The following FHL1 variants were observed in gnomAD, a reference collection of about 807,000 sequenced individuals.
FHL1 encodes the protein four and a half LIM domains 1.
In FHL1, 1 loss-of-function variant was observed where a neutral mutation model predicts 20.3. The observed-to-expected ratio is 0.05, with a 90% confidence interval of 0.02 to 0.23. The LOEUF (loss-of-function observed/expected upper bound fraction) is 0.23. FHL1 is among the 10% of genes least tolerant of loss of function. The pLI is 1.00. For synonymous variants in FHL1, 82 were observed against 88.9 expected, an observed-to-expected ratio of 0.92 and a Z score of 0.44; for missense variants, 177 against 234.0, an observed-to-expected ratio of 0.76 and a Z score of 1.59.
chrX:136,200,443 A>C (rs985470420), intron 1 of FHL1, among the ~76,000 whole-genome samples: 1 of 111,852 alleles, frequency 8.9e-6, no homozygotes, highest in African/African-American at 3.3e-5. Context: ...AGGCCCAAGA[A>C]AGAAGTCCTT....
chrX:136,196,685 A>G (rs769176029), upstream of FHL1: 20 of 539,355 alleles, frequency 3.7e-5, no homozygotes, highest in Admixed American at 7.2e-4. Flanking sequence ...TAACAGCACA[A>G]AAATGTATTA....
exon 2 of FHL1, chrX:136,169,962 G>A (rs1191396602): frequency 3.0e-6 from 1 of 330,688 alleles, no homozygotes; most frequent in South Asian, 2.6e-5. Context: ...CATCCTATCT[G>A]CCACACATCC....
At position 136,210,793 on chromosome X, in the gene FHL1, C is replaced by T. The variant is rs1355439450; in HGVS notation, c.*768C>T. On this transcript the variant is annotated 3_prime_UTR_variant, in exon 6 of 6. Transcript: ENST00000370683. Reference sequence around the variant, plus strand: ...TGGAAGCTTAACAAAACTAACCCTGCTGTCCTTTTTATTGTTTTTAATTAA... The same window carrying T: ...TGGAAGCTTAACAAAACTAACCCTGTTGTCCTTTTTATTGTTTTTAATTAA... The T allele has an allele frequency of 2.6e-6, 1 of 385,202 alleles. No individual in the cohort carries two copies. The highest frequency in any genetic ancestry group is 4.9e-6 in the Non-Finnish European group (1 of 204,881). The allele number at this position is 385,202 out of a possible 1,213,427, so 31.7% of individuals were successfully genotyped here. A position where few individuals can be genotyped will look rare whatever the true frequency, so the allele number is the denominator to read the frequency against.
chrX:136,184,651 A>T (rs5975693), intron 2 of FHL1, among the ~76,000 whole-genome samples: 48,957 of 110,375 alleles, frequency 0.44, 7,812 homozygotes, highest in East Asian at 0.46. Flanking sequence ...CTTTTCACAA[A>T]GACCTGCCAC....
chrX:136,189,279 C>T (rs2073380084), intron 2 of FHL1, among the ~76,000 whole-genome samples: 1 of 111,237 alleles, frequency 9.0e-6, no homozygotes, highest in Admixed American at 9.6e-5. Context: ...ATTTGTTCTC[C>T]CCAGGTCTCC....
chrX:136,201,029 T>G (rs2073694038), intron 1 of FHL1, among the ~76,000 whole-genome samples: 2 of 111,087 alleles, frequency 1.8e-5, no homozygotes, highest in Admixed American at 1.9e-4. Flanking sequence ...CCAGGCTTGG[T>G]GGTGCACGCA....
At chrX:136,155,378 A>G (rs2072387120) in intron 1 of FHL1, among the ~76,000 whole-genome samples, 1 of 112,279 alleles carries the variant, frequency 8.9e-6, no homozygotes, top group Admixed American at 9.4e-5. Flanking sequence ...AATGTCATTG[A>G]CAGAATAGGA....
intron 1 of FHL1, among the ~76,000 whole-genome samples, chrX:136,155,617 C>G (rs1432628821): frequency 1.8e-5 from 2 of 111,415 alleles, no homozygotes; most frequent in Admixed American, 9.5e-5. Flanking sequence ...TTATTATTGC[C>G]TGCTAATGGA....
chrX:136,182,447 T>C (rs1275873139), intron 2 of FHL1, among the ~76,000 whole-genome samples: 2 of 112,406 alleles, frequency 1.8e-5, no homozygotes, highest in Non-Finnish European at 3.8e-5. Flanking sequence ...ACAGAGAGAA[T>C]GGTATGGAGA....
At chrX:136,194,196 G>C (rs1435613171), upstream of FHL1, among the ~76,000 whole-genome samples, 1 of 111,941 alleles carries the variant, frequency 8.9e-6, no homozygotes, top group Non-Finnish European at 1.9e-5. Flanking sequence ...TGTAATACTT[G>C]TAAGGCTCTG....
At chrX:136,179,099 A>G (rs1603255795) in intron 2 of FHL1, among the ~76,000 whole-genome samples, 1 of 112,004 alleles carries the variant, frequency 8.9e-6, no homozygotes, top group African/African-American at 3.2e-5. Context: ...CTACAAATTC[A>G]TAATTTCCAT....
chrX:136,202,503 T>A (rs1485212067), intron 1 of FHL1, among the ~76,000 whole-genome samples: 1 of 111,808 alleles, frequency 8.9e-6, no homozygotes, highest in Non-Finnish European at 1.9e-5. Flanking sequence ...CTCACGCCTG[T>A]AAAATGCACT....
Position 136,208,650 on chromosome X carries a change from A to C in FHL1, c.736+9A>C. 8.3e-7 allele frequency: 1 copy of C among 1,204,650 alleles called. No homozygotes were observed. On this transcript the variant is annotated intron_variant, in intron 5 of 5. Coordinates refer to ENST00000370683, the MANE Select transcript of FHL1 (RefSeq NM_001159699.2). ...CAAGAACCCCATCACTGGTAGGCTA[A>C]AGAGTCCTTGCTAAGTCTGCCAGGC...
chrX:136,166,645 T>C (rs1043427098), upstream of FHL1, among the ~76,000 whole-genome samples: 1 of 111,851 alleles, frequency 8.9e-6, no homozygotes, highest in African/African-American at 3.2e-5. Context: ...TGAATTGTAC[T>C]CATCTCTAGG....
Position 136,210,432 on chromosome X carries a change from T to G in FHL1, c.*407T>G. Reference sequence around the variant, plus strand: ...CGTGTAGACACACGACATGCAAGAGTTGCAGCGGCTGCTCCAACTCACTGC... The same window carrying G: ...CGTGTAGACACACGACATGCAAGAGGTGCAGCGGCTGCTCCAACTCACTGC... On this transcript the variant is annotated 3_prime_UTR_variant, in exon 6 of 6. Transcript: ENST00000370683. The G allele has an allele frequency of 2.5e-6, 1 of 392,199 alleles. No homozygotes were observed. The highest frequency in any genetic ancestry group is 4.8e-6 in the Non-Finnish European group (1 of 209,403). 32.3% of individuals were successfully genotyped at this position (392,199 alleles called of 1,213,427 possible). A position where few individuals can be genotyped will look rare whatever the true frequency, so the allele number is the denominator to read the frequency against.
chrX:136,209,533 G>A, intron 5 of FHL1: 1 of 962,437 alleles, frequency 1.0e-6, no homozygotes, highest in Admixed American at 2.5e-5. Flanking sequence ...AACTGGTTAT[G>A]CTGGGAGGTC....
upstream of FHL1, chrX:136,196,937 AT>A (rs1428492204): frequency 1.9e-6 from 2 of 1,080,546 alleles, no homozygotes; most frequent in Non-Finnish European, 2.5e-6. Context: ...ATGGTTAAGA[AT>A]TTTCTAGTGG....
At chrX:136,192,443 C>T (rs925178094), upstream of FHL1, among the ~76,000 whole-genome samples, 7 of 112,089 alleles carry the variant, frequency 6.2e-5, no homozygotes, top group Non-Finnish European at 7.5e-5. Flanking sequence ...GCTCATGCTT[C>T]GTAATCTCTC....
chrX:136,146,738 G>A (rs1170083960), upstream of FHL1: 1 of 328,875 alleles, frequency 3.0e-6, no homozygotes, highest in South Asian at 2.6e-5. Context: ...GCCCGGCACT[G>A]AGCTTGGCAC....
Sources: allele counts gnomAD v4.1 joint callset (sites outside exome capture counted in the v4.1 genomes callset), GRCh38; gene constraint gnomAD v4.1.1; transcripts MANE v1.5; gene names NCBI Gene and HGNC (gene_info 2026-07-23, HGNC 2026-07-21).